The following TGM7 variants were observed in gnomAD, a reference collection of about 807,000 sequenced individuals.
TGM7 encodes the protein protein-glutamine gamma-glutamyltransferase Z.
Under a neutral mutation model 79.5 loss-of-function variants are expected in TGM7, and 74 were observed. The observed-to-expected ratio is 0.93, with a 90% confidence interval of 0.77 to 1.13. The LOEUF (loss-of-function observed/expected upper bound fraction) is 1.13, where lower values mean the gene tolerates loss of function less well. TGM7 is among the 50% of genes most tolerant of loss of function. The probability of loss-of-function intolerance (pLI) is 0.00; values close to 1 mark genes in which losing one functional copy is unlikely to be tolerated. For synonymous variants in TGM7, 354 were observed against 362.5 expected (o/e 0.98, Z 0.27); for missense variants, 912 against 905.9 (o/e 1.01, Z -0.09).
intron 1 of TGM7, among the ~76,000 whole-genome samples, chr15:43,300,573 G>A (rs888742785): frequency 6.6e-6 from 1 of 152,178 alleles, no homozygotes; most frequent in African/African-American, 2.4e-5. Flanking sequence ...AGGCTGAGGC[G>A]GGTGGATCAC....
Position 43,276,879 on chromosome 15 carries a change from A to G in TGM7, c.1956T>C (p.Asn652=), listed in dbSNP as rs2042880550. 12 of 1,614,142 alleles carry G rather than the reference A, an allele frequency of 7.4e-6. No individual in the cohort carries two copies. The highest frequency in any genetic ancestry group is 9.3e-6 in the Non-Finnish European group (11 of 1,180,008). ...TMVLEGSGLI[N]GQIAKDLGTL... ...TCACTTACTCCTTTGCTATCTGCCC[A>G]TTGATGAGGCCGCTTCCTTCCAGCA... The change falls in exon 12 of 13, where the codon AAT becomes AAC. Residue 652 remains asparagine, a synonymous_variant. Coordinates refer to ENST00000452443, the MANE Select transcript of TGM7 (RefSeq NM_052955.3).
intron 12 of TGM7, 60 bp downstream of exon 12, chr15:43,276,802 G>T: frequency 6.3e-7 from 1 of 1,592,436 alleles, no homozygotes; most frequent in South Asian, 1.1e-5. Context: ...GTCCTGTGAC[G>T]CCATGGGGCA....
intron 1 of TGM7, among the ~76,000 whole-genome samples, chr15:43,301,549 G>A (rs1372239444): frequency 6.7e-6 from 1 of 150,036 alleles, no homozygotes; most frequent in African/African-American, 2.5e-5. Flanking sequence ...AGAATCCCTT[G>A]AACTCAGGAG....
intron 10 of TGM7, 29 bp downstream of exon 10, chr15:43,279,596 G>A: frequency 6.5e-7 from 1 of 1,541,402 alleles, no homozygotes; most frequent in Non-Finnish European, 8.8e-7. Context: ...CTCCCTGTAG[G>A]TGCCTTCTCA....
chr15:43,284,343 T>C (rs371003702), intron 7 of TGM7, among the ~76,000 whole-genome samples: 2 of 150,626 alleles, frequency 1.3e-5, no homozygotes, highest in East Asian at 3.9e-4. Flanking sequence ...TGCACAGAGA[T>C]ACACACACAC....
intron 10 of TGM7, 67 bp downstream of exon 10, chr15:43,279,558 C>G: frequency 6.7e-7 from 1 of 1,503,352 alleles, no homozygotes; most frequent in Non-Finnish European, 8.9e-7. Flanking sequence ...TGGGCCCACC[C>G]CACTGTGTTC....
Position 43,292,795 on chromosome 15 carries a change from A to G in TGM7, c.353T>C (p.Leu118Pro). 1 of 1,614,174 alleles carries G rather than the reference A, an allele frequency of 6.2e-7. No individual in the cohort carries two copies. The highest frequency in any genetic ancestry group is 1.7e-5 in the Admixed American group (1 of 60,030). Residue 118 changes from leucine to proline, a missense_variant, in exon 3 of 13, where the codon CTG (leucine) becomes CCG (proline). Coordinates refer to ENST00000452443, the MANE Select transcript of TGM7 (RefSeq NM_052955.3). ...PANAVIGHYTLKIEISQGQGH... is the reference protein window; with the variant it reads ...PANAVIGHYTPKIEISQGQGH... ...TTGGCCCTGAGAGATCTCTATTTTC[A>G]GAGTGTAATGGCCAATAACTGCATT...
intron 6 of TGM7, among the ~76,000 whole-genome samples, 198 bp from the exon 7 acceptor site, chr15:43,285,150 G>A (rs770910604): frequency 2.6e-5 from 4 of 152,142 alleles, no homozygotes; most frequent in Non-Finnish European, 5.9e-5. Flanking sequence ...CATCCCACAA[G>A]GAGAAAGGAA....
chr15:43,279,051 G>C, intron 11 of TGM7, 66 bp downstream of exon 11: 2 of 1,530,312 alleles, frequency 1.3e-6, no homozygotes, highest in Admixed American at 1.9e-5. Flanking sequence ...GTTGGCTGCT[G>C]CACCCCAGCC....
At chr15:43,298,245 C>T (rs991608360) in intron 1 of TGM7, among the ~76,000 whole-genome samples, 4 of 152,038 alleles carry the variant, frequency 2.6e-5, no homozygotes, top group South Asian at 2.1e-4. Context: ...CACACATGTG[C>T]GTGAGGTTCA....
At chr15:43,286,649 G>A (rs1180459448) in intron 6 of TGM7, among the ~76,000 whole-genome samples, 3 of 152,010 alleles carry the variant, frequency 2.0e-5, no homozygotes, top group African/African-American at 7.3e-5. Context: ...AATGTTCATC[G>A]AGCTCCATAA....
rs746885962 is a variant in TGM7 at position 43,281,982 on chromosome 15, C to A, written c.1213G>T (p.Val405Phe). The A allele has an allele frequency of 5.6e-6, 9 of 1,614,020 alleles. No homozygotes were observed. In the East Asian group the frequency reaches 2.0e-4, roughly 36 times the overall value. The change falls in exon 9 of 13, where the codon GTC (valine) becomes TTC (phenylalanine). Residue 405 changes from valine to phenylalanine, a missense_variant. Transcript: ENST00000452443. ...FVYAEVNADEVIWLLGDGQAQ... is the reference protein window; with the variant it reads ...FVYAEVNADEFIWLLGDGQAQ... ...TGGCCATCCCCAAGGAGCCAAATGA[C>A]TTCATCGGCGTTCACCTCGGCATAC... is the stretch of plus-strand genomic sequence containing the variant.
intron 7 of TGM7, among the ~76,000 whole-genome samples, chr15:43,282,924 C>T (rs976074029): frequency 2.0e-5 from 3 of 152,114 alleles, no homozygotes; most frequent in Non-Finnish European, 2.9e-5. Context: ...GTGGCGGGCA[C>T]CTGTAGTCCC....
At position 43,279,925 on chromosome 15, in the gene TGM7, T is replaced by C. The variant is rs1566842636; in HGVS notation, c.1378A>G (p.Met460Val). ...EGSPEERAVF[M>V]KASRKMLGPQ... is the part of the protein sequence containing the mutation. ...CCCAGCATTTTCCGAGAAGCCTTCA[T>C]GAAGACAGCTCTCTCCTCAGGGGAT... The change falls in exon 10 of 13, where the codon ATG (methionine) becomes GTG (valine). Residue 460 changes from methionine to valine, a missense_variant. Met to Val is a conservative substitution (Grantham distance 21). Coordinates refer to ENST00000452443, the MANE Select transcript of TGM7 (RefSeq NM_052955.3). 6.2e-7 allele frequency: 1 copy of C among 1,614,094 alleles called. No individual in the cohort carries two copies. Among genetic ancestry groups the C allele is most frequent in the Non-Finnish European group, 8.5e-7 (1 of 1,180,000 alleles).
chr15:43,301,486 C>T (rs960109536), intron 1 of TGM7, among the ~76,000 whole-genome samples: 2 of 151,462 alleles, frequency 1.3e-5, no homozygotes, highest in African/African-American at 2.4e-5. Flanking sequence ...AAAAATTAGC[C>T]GTGTATGGTG....
intron 9 of TGM7, among the ~76,000 whole-genome samples, chr15:43,280,218 C>T (rs931649219): frequency 6.6e-6 from 1 of 152,140 alleles, no homozygotes; most frequent in African/African-American, 2.4e-5. Context: ...GGACTCAGCA[C>T]TGTTTTCTAC....
chr15:43,291,895 A>C, intron 4 of TGM7, 84 bp downstream of exon 4: 4 of 990,714 alleles, frequency 4.0e-6, no homozygotes, highest in Non-Finnish European at 4.8e-6. Flanking sequence ...AGGGCTGTGT[A>C]ATATAACAGC....
At chr15:43,291,120 G>A (rs1342306777) in intron 4 of TGM7, among the ~76,000 whole-genome samples, 1 of 152,202 alleles carries the variant, frequency 6.6e-6, no homozygotes, top group African/African-American at 2.4e-5. Context: ...AGTGGTGAGA[G>A]AGGGCGTCCC....
chr15:43,285,936 A>T (rs1191679007), intron 6 of TGM7, among the ~76,000 whole-genome samples: 1 of 152,074 alleles, frequency 6.6e-6, no homozygotes, highest in Non-Finnish European at 1.5e-5. Context: ...CCCTGAGGGG[A>T]CGTGGGTACT....
Sources: allele counts gnomAD v4.1 joint callset (sites outside exome capture counted in the v4.1 genomes callset), GRCh38; gene constraint gnomAD v4.1.1; transcripts MANE v1.5; gene names NCBI Gene and HGNC (gene_info 2026-07-23, HGNC 2026-07-21).